DLGAP2: variants seen among roughly 807,000 people sequenced by gnomAD.
The protein encoded by DLGAP2 is DLG associated protein 2, also known as disks large-associated protein 2.
Under a neutral mutation model 100.3 loss-of-function variants are expected in DLGAP2, and 26 were observed. The ratio of observed to expected loss-of-function variants is 0.26; its 90% confidence interval spans 0.19 to 0.36. DLGAP2 has a LOEUF of 0.36. Ranked by LOEUF, DLGAP2 falls within the 10% of genes least tolerant of loss-of-function variation. DLGAP2 has a pLI of 1.00. For missense variants in DLGAP2, 1,858 were observed against 1,453.2 expected (o/e 1.28, Z -4.53); for synonymous variants, 886 against 630.1 (o/e 1.41, Z -6.08).
At chr8:975,807 C>T (rs575495998) in intron 2 of DLGAP2, among the ~76,000 whole-genome samples, 1 of 152,280 alleles carries the variant, frequency 6.6e-6, no homozygotes, top group African/African-American at 2.4e-5. Flanking sequence ...ACAATTTCCC[C>T]TCATATCAGA....
intron 1 of DLGAP2, among the ~76,000 whole-genome samples, chr8:804,345 C>T (rs1796226288): frequency 6.6e-6 from 1 of 152,192 alleles, no homozygotes; most frequent in Admixed American, 6.5e-5. Context: ...CAAAGAGAGG[C>T]AGGCAGCGAT....
chr8:1,232,078 C>A (rs1253172927), intron 2 of DLGAP2, among the ~76,000 whole-genome samples: 1 of 152,190 alleles, frequency 6.6e-6, no homozygotes, highest in Non-Finnish European at 1.5e-5. Flanking sequence ...TTTTGAATTC[C>A]TTTTTAACTT....
chr8:1,440,125 C>G (rs1386661465), intron 3 of DLGAP2, among the ~76,000 whole-genome samples: 1 of 152,052 alleles, frequency 6.6e-6, no homozygotes, highest in Non-Finnish European at 1.5e-5. Flanking sequence ...TTTTACTCCT[C>G]TTCATTTTAA....
chr8:1,333,531 G>T (rs561873892), intron 3 of DLGAP2, among the ~76,000 whole-genome samples: 1 of 152,120 alleles, frequency 6.6e-6, no homozygotes, highest in African/African-American at 2.4e-5. Context: ...TTCTCCTCCC[G>T]TGAGTCCTGT....
intron 3 of DLGAP2, among the ~76,000 whole-genome samples, chr8:1,320,039 C>T (rs982411242): frequency 6.6e-6 from 1 of 152,026 alleles, no homozygotes; most frequent in African/African-American, 2.4e-5. Flanking sequence ...GGTGTTGCGG[C>T]CTCTGGGCCC....
At chr8:1,647,041 A>T (rs1271883717) in intron 8 of DLGAP2, among the ~76,000 whole-genome samples, 1 of 152,204 alleles carries the variant, frequency 6.6e-6, no homozygotes, top group East Asian at 1.9e-4. Flanking sequence ...GGCTCATCTG[A>T]CAGCGGTGCC....
At chr8:1,129,431 G>A (rs1796240794) in intron 2 of DLGAP2, among the ~76,000 whole-genome samples, 1 of 151,876 alleles carries the variant, frequency 6.6e-6, no homozygotes, top group Admixed American at 6.6e-5. Context: ...TACTTAAAGA[G>A]GTAAAAACTG....
intron 3 of DLGAP2, among the ~76,000 whole-genome samples, chr8:1,495,281 G>T (rs1799510838): frequency 6.6e-6 from 1 of 152,106 alleles, no homozygotes; most frequent in South Asian, 2.1e-4. Flanking sequence ...GTGCCAGCGT[G>T]CCAGGGCTGG....
intron 2 of DLGAP2, among the ~76,000 whole-genome samples, chr8:1,042,854 GAT>G: frequency 8.5e-6 from 1 of 118,228 alleles, no homozygotes; most frequent in East Asian, 3.0e-4. Context: ...GTGGGTGGTG[GAT>G]GTGGGTGGTG....
chr8:916,813 C>T lies in DLGAP2; in HGVS notation c.73+8847C>T, dbSNP rs142579934. On this transcript the variant is annotated intron_variant, in intron 2 of 14. Coordinates refer to ENST00000637795, the MANE Select transcript of DLGAP2 (RefSeq NM_001346810.2). Reference sequence around the variant, plus strand: ...GAAGTGAAAATGTTGATCAAGCAGCCGGATCGTGCATCTTGGTTTGGGAAT... The same window carrying T: ...GAAGTGAAAATGTTGATCAAGCAGCTGGATCGTGCATCTTGGTTTGGGAAT... 1.3e-3 allele frequency among the ~76,000 whole-genome samples: 201 copies of T among 152,292 alleles called. 7 individuals carry two copies. The East Asian group carries it at 0.028, about 21-fold the overall frequency.
intron 6 of DLGAP2, among the ~76,000 whole-genome samples, chr8:1,582,125 G>A (rs1803296175): frequency 7.1e-6 from 1 of 141,180 alleles, no homozygotes; most frequent in Admixed American, 7.2e-5. Context: ...CAGAAGTGAA[G>A]GATACAGATA....
At chr8:1,322,660 C>T (rs1439830882) in intron 3 of DLGAP2, among the ~76,000 whole-genome samples, 1 of 152,146 alleles carries the variant, frequency 6.6e-6, no homozygotes, top group East Asian at 1.9e-4. Context: ...GAAATGCATG[C>T]ACCCACCCAT....
intron 4 of DLGAP2, among the ~76,000 whole-genome samples, chr8:1,509,385 A>G (rs973018772): frequency 5.3e-5 from 8 of 152,080 alleles, no homozygotes; most frequent in Non-Finnish European, 8.8e-5. Flanking sequence ...TCTGGATAAT[A>G]AGAGCACATG....
chr8:1,024,126 T>G (rs1325148517), intron 2 of DLGAP2, among the ~76,000 whole-genome samples: 1 of 151,428 alleles, frequency 6.6e-6, no homozygotes, highest in South Asian at 2.1e-4. Context: ...AGTGGAGGAG[T>G]GGACAGTCCC....
At chr8:1,146,651 GCA>G (rs1345506051) in intron 2 of DLGAP2, among the ~76,000 whole-genome samples, 3 of 152,118 alleles carry the variant, frequency 2.0e-5, no homozygotes, top group African/African-American at 7.2e-5. Flanking sequence ...GTGAGTGTGT[GCA>G]TGCACGTGTG....
rs547801469 is a variant in DLGAP2, at chr8:1,146,914, G to A, written c.74-111937G>A. 4.6e-5 allele frequency among the ~76,000 whole-genome samples: 7 copies of A among 152,244 alleles called. No individual in the cohort carries two copies. The East Asian group carries it at 5.8e-4, about 13-fold the overall frequency. On this transcript the variant is annotated intron_variant, in intron 2 of 14. Transcript: ENST00000637795. ...CACTGCCACAATTATTTTTATTGCC[G>A]GATCTTGCTTTTCTTTTCTTCCAAT...
rs1198668974 is a variant in DLGAP2, at chr8:737,872, A to G, written c.18+47A>G. 3 of 372,304 alleles carry G rather than the reference A, an allele frequency of 8.1e-6. No homozygotes were observed. In the South Asian group the frequency reaches 3.9e-4, roughly 49 times the overall value. The allele number at this position is 372,304 out of a possible 1,614,324, so 23.1% of individuals were successfully genotyped here. A position where few individuals can be genotyped will look rare whatever the true frequency, so the allele number is the denominator to read the frequency against. On this transcript the variant is annotated intron_variant, in intron 1 of 14. Coordinates refer to ENST00000637795, the MANE Select transcript of DLGAP2 (RefSeq NM_001346810.2). The stretch of plus-strand genomic sequence containing the variant: ...CGGGAGCCGGGCGCGGGGCTCCGAG[A>G]GCCGTCGAGGCGGGGAGGGCGCGGT...
chr8:1,015,172 CTG>C (rs778079025), intron 2 of DLGAP2, among the ~76,000 whole-genome samples: 1 of 16,522 alleles, frequency 6.1e-5, no homozygotes, highest in Non-Finnish European at 1.3e-4. Flanking sequence ...GACGCCTCCA[CTG>C]TGTGTGTGAC....
Position 1,309,079 on chromosome 8 carries a change from C to A in DLGAP2, c.106+50196C>A, listed in dbSNP as rs146970933. On this transcript the variant is annotated intron_variant, in intron 3 of 14. Transcript: ENST00000637795. ...TGAGGAGCAGAAAGAAAAGGAAGAA[C>A]AGGGAGCCGAAACTTGAGGGTCTGT... 5.4e-4 allele frequency among the ~76,000 whole-genome samples: 82 copies of A among 152,090 alleles called. 1 individual carries two copies. The highest frequency in any genetic ancestry group is 3.5e-3 in the Admixed American group (54 of 15,264).
Sources: gnomAD v4.1 joint callset for allele counts (sites outside exome capture counted in the v4.1 genomes callset) on GRCh38, gnomAD v4.1.1 for gene constraint, MANE v1.5 for transcripts, NCBI Gene and HGNC (gene_info 2026-07-23, HGNC 2026-07-21) for gene names.